The following FAM124A variants were observed in gnomAD, a reference collection of about 807,000 sequenced individuals.
FAM124A encodes protein FAM124A.
In FAM124A, 23 loss-of-function variants were observed where a neutral mutation model predicts 24.5. The ratio of observed to expected loss-of-function variants is 0.94; its 90% CI spans 0.68 to 1.33. FAM124A has a LOEUF of 1.33. FAM124A is among the 40% of genes most tolerant of loss of function. FAM124A has a pLI of 0.00. For missense variants in FAM124A, 623 were observed against 722.8 expected, an observed-to-expected ratio of 0.86 and a Z score of 1.58; for synonymous variants, 287 against 314.7, an observed-to-expected ratio of 0.91 and a Z score of 0.93.
Position 51,276,903 on chromosome 13 carries a change from C to G in FAM124A, c.835-3547C>G, listed in dbSNP as rs144119844. Among the ~76,000 whole-genome samples, 768 of 152,232 alleles carry G rather than the reference C, an allele frequency of 5.0e-3. 2 individuals are homozygous for G. Among genetic ancestry groups the G allele is most frequent in the Middle Eastern group, 0.01 (3 of 294 alleles). Reference sequence around the variant, plus strand: ...TTACTGGGAAAGAGGAGGTGTGAGGCTGAGGGTAAAGTCCCTGACCATGAA... The same window carrying G: ...TTACTGGGAAAGAGGAGGTGTGAGGGTGAGGGTAAAGTCCCTGACCATGAA... On this transcript the variant is annotated intron_variant, in intron 3 of 3. Transcript: ENST00000322475.
At chr13:51,245,378 A>T in intron 2 of FAM124A, 1 of 693,848 alleles carries the variant, frequency 1.4e-6, no homozygotes. Flanking sequence ...GACAAAGAAA[A>T]GGGAAGATGG....
intron 2 of FAM124A, chr13:51,245,276 T>C (rs750924553): frequency 1.6e-6 from 1 of 625,176 alleles, no homozygotes; most frequent in Non-Finnish European, 2.9e-6. Flanking sequence ...CATGTGAAAA[T>C]CTGGCCGCCC....
intron 3 of FAM124A, among the ~76,000 whole-genome samples, chr13:51,256,048 C>T (rs1954671593): frequency 6.6e-6 from 1 of 152,172 alleles, no homozygotes; most frequent in Non-Finnish European, 1.5e-5. Context: ...CTCAGGGAGC[C>T]CCAAGCAGCC....
intron 3 of FAM124A, among the ~76,000 whole-genome samples, chr13:51,255,622 G>A (rs112189701): frequency 6.6e-6 from 1 of 152,168 alleles, no homozygotes; most frequent in African/African-American, 2.4e-5. Context: ...TGGAAGCAAA[G>A]TCCCCCCAGC....
rs201425404 is a variant in FAM124A, at chr13:51,280,967, G to A, written c.1352G>A (p.Ser451Asn). ...VETPLPSERC[S>N]SHWAAHKDSR... ...ACACCCCTCCCCTCCGAAAGATGCA[G>A]CAGCCACTGGGCAGCTCACAAGGAT... The change falls in exon 4 of 4, where the codon AGC (serine) becomes AAC (asparagine). Residue 451 changes from serine to asparagine, a missense_variant. By Grantham distance (46) the Ser-to-Asn change is conservative. Coordinates refer to ENST00000322475, the MANE Select transcript of FAM124A (RefSeq NM_001242312.2). 4.5e-5 allele frequency: 73 copies of A among 1,613,628 alleles called. No homozygotes were observed. Among genetic ancestry groups the A allele is most frequent in the Admixed American group, 2.7e-4 (16 of 60,008 alleles).
At position 51,272,396 on chromosome 13, in the gene FAM124A, A is replaced by G. The variant is rs916467615; in HGVS notation, c.835-8054A>G. Among the ~76,000 whole-genome samples the G allele has an allele frequency of 1.3e-5, 2 of 152,188 alleles. No individual in the cohort carries two copies. The highest frequency in any genetic ancestry group is 4.8e-5 in the African/African-American group (2 of 41,442). On this transcript the variant is annotated intron_variant, in intron 3 of 3. Coordinates refer to ENST00000322475, the MANE Select transcript of FAM124A (RefSeq NM_001242312.2). This position sits in a 1 kb window ranked among gnomAD's most constrained non-coding sequence, Gnocchi z 4.2. ...ATGCTGCAGGCCTGGGCCCTAAGAAAGGAGCAGGAGGGAGATGGCCGGGCT... is the reference window on the plus strand; with the variant it reads ...ATGCTGCAGGCCTGGGCCCTAAGAAGGGAGCAGGAGGGAGATGGCCGGGCT...
At chr13:51,242,094 G>A (rs1954502456) in intron 2 of FAM124A, among the ~76,000 whole-genome samples, 1 of 151,946 alleles carries the variant, frequency 6.6e-6, no homozygotes, top group African/African-American at 2.4e-5. Context: ...TTTTTGTTTT[G>A]TTCTTTTTGG....
chr13:51,263,841 T>A (rs1390382099), intron 3 of FAM124A, among the ~76,000 whole-genome samples: 1 of 152,202 alleles, frequency 6.6e-6, no homozygotes, highest in Admixed American at 6.5e-5. Flanking sequence ...AAAGTAAATA[T>A]AGCAAGGGCA....
Position 51,280,917 on chromosome 13 carries a change from C to T in FAM124A, c.1302C>T (p.Pro434=). The T allele has an allele frequency of 6.2e-7, 1 of 1,614,170 alleles. No individual in the cohort carries two copies. Among genetic ancestry groups the T allele is most frequent in the Non-Finnish European group, 8.5e-7 (1 of 1,180,022 alleles). The change falls in exon 4 of 4, where the codon CCC becomes CCT. Residue 434 remains proline, a synonymous_variant. Transcript: ENST00000322475. ...DLSVVSAYSA[P]SRFCSTVETP... is the part of the protein sequence containing the mutation. ...CTGTGGTCTCTGCATATTCTGCACC[C>T]AGTAGGTTCTGCAGCACAGTGGAGA... is the stretch of plus-strand genomic sequence containing the variant.
At position 51,281,363 on chromosome 13, in the gene FAM124A, C is replaced by A; in HGVS notation, c.*107C>A. On this transcript the variant is annotated 3_prime_UTR_variant, in exon 4 of 4. Coordinates refer to ENST00000322475, the MANE Select transcript of FAM124A (RefSeq NM_001242312.2). ...ACCACATTCTTCATGATCCATTTCC[C>A]AGGAGCCCGTAGCACATTTGCCTAC... 1 of 1,173,072 alleles carries A rather than the reference C, an allele frequency of 8.5e-7. No homozygotes were observed. The highest frequency in any genetic ancestry group is 1.2e-6 in the Non-Finnish European group (1 of 864,104). 72.7% of individuals were successfully genotyped at this position (1,173,072 alleles called of 1,614,324 possible).
Position 51,251,880 on chromosome 13 carries a change from C to G in FAM124A, c.513C>G (p.Ile171Met). ...AIRPVHYGKE[I>M]VRFTVYCRYD... Reference sequence around the variant, plus strand: ...GGCCCGTGCACTACGGCAAGGAAATCGTGCGCTTCACCGTCTACTGTCGCT... The same window carrying G: ...GGCCCGTGCACTACGGCAAGGAAATGGTGCGCTTCACCGTCTACTGTCGCT... The change falls in exon 3 of 4, where the codon ATC becomes ATG. Residue 171 changes from isoleucine (I) to methionine (M), a missense_variant. Transcript: ENST00000322475. The surrounding 1 kb of genome is among the most constrained non-coding windows in gnomAD (Gnocchi z 5.3). 6.2e-7 allele frequency: 1 copy of G among 1,613,958 alleles called. No homozygotes were observed. The highest frequency in any genetic ancestry group is 8.5e-7 in the Non-Finnish European group (1 of 1,179,988).
At chr13:51,237,076 C>A (rs936917511) in intron 2 of FAM124A, among the ~76,000 whole-genome samples, 3 of 152,180 alleles carry the variant, frequency 2.0e-5, no homozygotes, top group Non-Finnish European at 4.4e-5. Flanking sequence ...AGCTTCACAC[C>A]CTACTGCAGT....
Position 51,274,953 on chromosome 13 carries a change from A to T in FAM124A, c.835-5497A>T, listed in dbSNP as rs74087439. Among the ~76,000 whole-genome samples, 447 of 152,342 alleles carry T rather than the reference A, an allele frequency of 2.9e-3. 3 individuals carry two copies. The highest frequency in any genetic ancestry group is 0.01 in the African/African-American group (418 of 41,572). ...GTAAGCTCAAGTACAACTGAGAATG[A>T]TAGGGACCTAAAGAATCGTGGCTTA... is the stretch of plus-strand genomic sequence containing the variant. On this transcript the variant is annotated intron_variant, in intron 3 of 3. Coordinates refer to ENST00000322475, the MANE Select transcript of FAM124A (RefSeq NM_001242312.2).
At chr13:51,263,334 G>T (rs916117473) in intron 3 of FAM124A, among the ~76,000 whole-genome samples, 10 of 152,334 alleles carry the variant, frequency 6.6e-5, no homozygotes, top group African/African-American at 1.9e-4. Context: ...GGCCTGAATG[G>T]TCCTTGGTCC....
intron 3 of FAM124A, among the ~76,000 whole-genome samples, chr13:51,266,545 T>C (rs1045880457): frequency 6.6e-6 from 1 of 152,218 alleles, no homozygotes; most frequent in Non-Finnish European, 1.5e-5. Context: ...TGGAGACTGA[T>C]GACTTACCAG....
chr13:51,238,592 T>G (rs1445349800), intron 2 of FAM124A, among the ~76,000 whole-genome samples: 1 of 152,250 alleles, frequency 6.6e-6, no homozygotes, highest in East Asian at 1.9e-4. Context: ...ACACGGGATA[T>G]ATCCCTTATG....
chr13:51,256,176 A>G (rs1241569473), intron 3 of FAM124A, among the ~76,000 whole-genome samples: 1 of 152,210 alleles, frequency 6.6e-6, no homozygotes, highest in African/African-American at 2.4e-5. Context: ...AAAACAACAG[A>G]CAGAAGCACA....
chr13:51,229,337 A>G (rs990295597), intron 1 of FAM124A, among the ~76,000 whole-genome samples: 2 of 152,248 alleles, frequency 1.3e-5, no homozygotes, highest in Non-Finnish European at 2.9e-5. Context: ...TGATTGTCAG[A>G]AGGCTGACCA....
In FAM124A at chr13:51,281,236, A is replaced by T; in HGVS notation, c.1621A>T (p.Met541Leu). Residue 541 changes from methionine (M) to leucine (L), a missense_variant, in exon 4 of 4, where the codon ATG becomes TTG. By Grantham distance (15) the Met-to-Leu change is conservative. Coordinates refer to ENST00000322475, the MANE Select transcript of FAM124A (RefSeq NM_001242312.2). ...PGSAGPGDND[M>L]EEFYI Reference sequence around the variant, plus strand: ...GTCGGCTGGCCCCGGGGATAACGACATGGAGGAATTCTACATCTGAATGCC... The same window carrying T: ...GTCGGCTGGCCCCGGGGATAACGACTTGGAGGAATTCTACATCTGAATGCC... 2.5e-6 allele frequency: 4 copies of T among 1,579,226 alleles called. No homozygotes were observed. The South Asian group carries it at 3.5e-5, about 14-fold the overall frequency.
Sources: allele counts gnomAD v4.1 joint callset (sites outside exome capture counted in the v4.1 genomes callset), GRCh38; gene constraint gnomAD v4.1.1; non-coding constraint Gnocchi (gnomAD v3.1); transcripts MANE v1.5; gene names NCBI Gene and HGNC (gene_info 2026-07-23, HGNC 2026-07-21).